Variants in TMEM163 observed in about 807,000 individuals in gnomAD.
The protein encoded by TMEM163 is transmembrane protein 163.
In TMEM163, 17 loss-of-function variants were observed where a neutral mutation model predicts 29.3. That is an observed-to-expected ratio of 0.58 (90% CI 0.40 to 0.87). The LOEUF (loss-of-function observed/expected upper bound fraction) is 0.87, where lower values mean the gene tolerates loss of function less well. Among genes scored for constraint, TMEM163 ranks in the 40% least tolerant of loss-of-function variants. The probability of loss-of-function intolerance (pLI) is 0.00; values close to 1 mark genes in which losing one functional copy is unlikely to be tolerated. For synonymous variants in TMEM163, 157 were observed against 160.6 expected (o/e 0.98, Z 0.17); for missense variants, 303 against 381.5 (o/e 0.79, Z 1.71).
intron 5 of TMEM163, among the ~76,000 whole-genome samples, chr2:134,483,529 T>C (rs1047350127): frequency 9.2e-5 from 14 of 152,196 alleles, no homozygotes; most frequent in Admixed American, 3.3e-4. Flanking sequence ...TAATGCCCAT[T>C]AGAAAGGAGG....
intron 5 of TMEM163, among the ~76,000 whole-genome samples, chr2:134,489,257 C>G (rs1248719317): frequency 6.6e-6 from 1 of 152,136 alleles, no homozygotes; most frequent in Non-Finnish European, 1.5e-5. Context: ...TATTCTAGAT[C>G]TTAAGACTAT....
At chr2:134,462,520 C>G (rs1473783133) in intron 6 of TMEM163, among the ~76,000 whole-genome samples, 3 of 152,348 alleles carry the variant, frequency 2.0e-5, no homozygotes, top group African/African-American at 7.2e-5. Flanking sequence ...TGAAGGACGG[C>G]TCTTCCCCAC....
intron 2 of TMEM163, among the ~76,000 whole-genome samples, chr2:134,627,740 G>A (rs766957653): frequency 2.6e-5 from 4 of 152,132 alleles, no homozygotes; most frequent in Non-Finnish European, 5.9e-5. Context: ...TACAGAAAAA[G>A]TTATTCCTAT....
chr2:134,499,395 C>T (rs980791416), intron 5 of TMEM163, among the ~76,000 whole-genome samples: 4 of 152,224 alleles, frequency 2.6e-5, no homozygotes, highest in Non-Finnish European at 4.4e-5. Context: ...GTTTCAGAGA[C>T]GGCTCTGCGG....
At chr2:134,485,507 C>T (rs16830698) in intron 5 of TMEM163, among the ~76,000 whole-genome samples, 7,375 of 152,128 alleles carry the variant, frequency 0.048, 519 homozygotes, top group East Asian at 0.23. Flanking sequence ...GTCTGAAGTC[C>T]ACAGGCCCAA....
chr2:134,486,848 A>G (rs919137172), intron 5 of TMEM163, among the ~76,000 whole-genome samples: 1 of 148,662 alleles, frequency 6.7e-6, no homozygotes, highest in African/African-American at 2.4e-5. Context: ...CTGAAAGAAT[A>G]ATGCTCTTTG....
At chr2:134,600,690 A>G (rs1189267575) in intron 2 of TMEM163, among the ~76,000 whole-genome samples, 1 of 152,206 alleles carries the variant, frequency 6.6e-6, no homozygotes, top group Non-Finnish European at 1.5e-5. Context: ...AAAACAAATG[A>G]GATCCTTAGA....
chr2:134,568,653 AAAG>A (rs1285649934), intron 2 of TMEM163, among the ~76,000 whole-genome samples: 15 of 151,856 alleles, frequency 9.9e-5, no homozygotes, highest in East Asian at 5.8e-4. Flanking sequence ...AAAGGAGAAA[AAAG>A]AAGGAAGGAA....
At chr2:134,513,333 G>T (rs538357978) in intron 4 of TMEM163, among the ~76,000 whole-genome samples, 143 of 152,276 alleles carry the variant, frequency 9.4e-4, no homozygotes, top group Admixed American at 3.5e-3. Flanking sequence ...AGCTGGAACA[G>T]GAGTTTAGAT....
chr2:134,500,769 AAG>A (rs996368020), intron 5 of TMEM163, among the ~76,000 whole-genome samples: 1 of 152,208 alleles, frequency 6.6e-6, no homozygotes, highest in Non-Finnish European at 1.5e-5. Context: ...GCGAATTAGA[AAG>A]AGGTGATTGT....
intron 5 of TMEM163, among the ~76,000 whole-genome samples, chr2:134,474,899 GT>G (rs1398335091): frequency 8.5e-5 from 13 of 152,174 alleles, no homozygotes; most frequent in African/African-American, 3.1e-4. Flanking sequence ...TTATTAAAAC[GT>G]TAGTTCTCCC....
chr2:134,537,201 G>T (rs996121828), intron 4 of TMEM163, among the ~76,000 whole-genome samples: 1 of 152,216 alleles, frequency 6.6e-6, no homozygotes, highest in African/African-American at 2.4e-5. Flanking sequence ...CCAAGGCCCA[G>T]GATCCCTATG....
chr2:134,521,003 C>CTTTT (rs56291030), intron 4 of TMEM163, among the ~76,000 whole-genome samples: 4 of 146,394 alleles, frequency 2.7e-5, no homozygotes, highest in Admixed American at 6.8e-5. Flanking sequence ...GCCTTGGGAA[C>CTTTT]TTTTTTTTTT....
intron 2 of TMEM163, among the ~76,000 whole-genome samples, chr2:134,703,570 G>A (rs1044686337): frequency 6.6e-6 from 1 of 152,134 alleles, no homozygotes; most frequent in African/African-American, 2.4e-5. Context: ...TACAAGGATG[G>A]AAATGCAGGA....
chr2:134,537,648 T>C (rs1024679036), intron 4 of TMEM163, among the ~76,000 whole-genome samples: 1 of 152,218 alleles, frequency 6.6e-6, no homozygotes, highest in African/African-American at 2.4e-5. Context: ...AAAGGAGATC[T>C]TTGCATCCAC....
chr2:134,661,436 A>G (rs57060541), intron 2 of TMEM163, among the ~76,000 whole-genome samples: 16,315 of 152,300 alleles, frequency 0.11, 1,067 homozygotes, highest in African/African-American at 0.17. Context: ...ATCGATGGGC[A>G]AATGAAAGGA....
chr2:134,589,539 T>C (rs1344986405), intron 2 of TMEM163, among the ~76,000 whole-genome samples: 3 of 152,190 alleles, frequency 2.0e-5, no homozygotes, highest in African/African-American at 4.8e-5. Flanking sequence ...ACCAGCACCA[T>C]GACAGTTTAC....
chr2:134,632,788 G>A (rs2104833359), intron 2 of TMEM163, among the ~76,000 whole-genome samples: 1 of 151,830 alleles, frequency 6.6e-6, no homozygotes, highest in East Asian at 1.9e-4. Context: ...TGTCACCCAG[G>A]CTGGAGGGCA....
At chr2:134,507,840 G>A (rs1384188281) in intron 4 of TMEM163, among the ~76,000 whole-genome samples, 1 of 152,062 alleles carries the variant, frequency 6.6e-6, no homozygotes, top group Non-Finnish European at 1.5e-5. Flanking sequence ...CTGGGTGATG[G>A]AGAGAGACCC....
Sources: gnomAD v4.1 joint callset for allele counts (sites outside exome capture counted in the v4.1 genomes callset) on GRCh38, gnomAD v4.1.1 for gene constraint, MANE v1.5 for transcripts, NCBI Gene and HGNC (gene_info 2026-07-23, HGNC 2026-07-21) for gene names.